CADM2: variants seen among roughly 807,000 people sequenced by gnomAD.
CADM2 encodes cell adhesion molecule 2.
A neutral mutation model predicts 49.8 loss-of-function variants in CADM2; 12 were observed. The ratio of observed to expected loss-of-function variants is 0.24; its 90% CI spans 0.15 to 0.39. The LOEUF is 0.39. Among genes scored for constraint, CADM2 ranks in the 10% least tolerant of loss-of-function variants. CADM2 has a pLI of 1.00. For synonymous variants in CADM2, 214 were observed against 175.4 expected (o/e 1.22, Z -1.74); for missense variants, 378 against 492.3 (o/e 0.77, Z 2.20).
At chr3:85,441,825 A>G (rs942712609) in intron 1 of CADM2, among the ~76,000 whole-genome samples, 5 of 152,124 alleles carry the variant, frequency 3.3e-5, no homozygotes, top group African/African-American at 9.6e-5. Context: ...ATCACATGGA[A>G]TTGATTTAAA....
intron 3 of CADM2, among the ~76,000 whole-genome samples, chr3:85,859,224 CTTTTTTTTTT>C (rs397990427): frequency 4.2e-5 from 3 of 70,596 alleles, no homozygotes; most frequent in African/African-American, 5.9e-5. Flanking sequence ...TTTTTTTTGT[CTTTTTTTTTT>C]TTTTTTTTTT....
chr3:85,732,777 T>A (rs941824193), intron 2 of CADM2, among the ~76,000 whole-genome samples: 1 of 152,180 alleles, frequency 6.6e-6, no homozygotes, highest in African/African-American at 2.4e-5. Context: ...ATCGTCATTT[T>A]CAAAATGTGG....
chr3:85,499,914 A>G (rs1013392429), intron 1 of CADM2, among the ~76,000 whole-genome samples: 2 of 152,190 alleles, frequency 1.3e-5, no homozygotes, highest in Admixed American at 6.5e-5. Flanking sequence ...AAGATTTTTC[A>G]GAAAACCAGA....
At chr3:85,267,665 T>C (rs2043150702) in intron 1 of CADM2, among the ~76,000 whole-genome samples, 1 of 151,658 alleles carries the variant, frequency 6.6e-6, no homozygotes, top group Non-Finnish European at 1.5e-5. Flanking sequence ...TGGTATATAC[T>C]ATGTTAAAAA....
At chr3:86,056,443 G>A (rs1395389183) in intron 8 of CADM2, among the ~76,000 whole-genome samples, 1 of 152,178 alleles carries the variant, frequency 6.6e-6, no homozygotes, top group African/African-American at 2.4e-5. Flanking sequence ...AACAAACAGG[G>A]TATCTTTTTC....
At chr3:85,111,677 A>G (rs564128355) in intron 1 of CADM2, among the ~76,000 whole-genome samples, 56 of 151,920 alleles carry the variant, frequency 3.7e-4, no homozygotes, top group Admixed American at 5.9e-4. Flanking sequence ...GATAAGACCT[A>G]CTATTTGATA....
Position 85,797,889 on chromosome 3 carries a change from G to A in CADM2, c.89-4158G>A, listed in dbSNP as rs144400063. Among the ~76,000 whole-genome samples the A allele has an allele frequency of 4.3e-3, 655 of 152,244 alleles. 3 individuals are homozygous for A. Among genetic ancestry groups the A allele is most frequent in the African/African-American group, 0.014 (589 of 41,542 alleles). ...CTACTCCCACCAACAGTGAAAAAGC[G>A]TGCCTGTATCTCCACATCCTTTCCA... On this transcript the variant is annotated intron_variant, in intron 2 of 9. Transcript: ENST00000383699.
chr3:85,672,180 T>C (rs990052462), intron 1 of CADM2, among the ~76,000 whole-genome samples: 2 of 150,472 alleles, frequency 1.3e-5, no homozygotes, highest in African/African-American at 2.4e-5. Context: ...TAAAATTTAC[T>C]TCTAGGATGT....
chr3:85,262,734 T>C (rs1246321005), intron 1 of CADM2, among the ~76,000 whole-genome samples: 1 of 152,074 alleles, frequency 6.6e-6, no homozygotes, highest in Admixed American at 6.6e-5. Context: ...CAGGAAACTT[T>C]CCAATACACA....
At chr3:85,912,750 AAGG>A (rs1717784646) in intron 6 of CADM2, among the ~76,000 whole-genome samples, 1 of 152,196 alleles carries the variant, frequency 6.6e-6, no homozygotes, top group Non-Finnish European at 1.5e-5. Context: ...AGGAAAAATG[AAGG>A]AGATGTACGA....
chr3:85,613,580 G>A (rs774323654), intron 1 of CADM2, among the ~76,000 whole-genome samples: 10 of 151,650 alleles, frequency 6.6e-5, no homozygotes, highest in African/African-American at 1.9e-4. Context: ...CAGGGTTCAC[G>A]AGGCAGAATT....
At chr3:85,343,158 C>T (rs184583098) in intron 1 of CADM2, among the ~76,000 whole-genome samples, 1 of 152,090 alleles carries the variant, frequency 6.6e-6, no homozygotes, top group East Asian at 1.9e-4. Flanking sequence ...ACACATTGCA[C>T]GATGTACAGC....
chr3:85,794,714 A>G (rs2071521162), intron 2 of CADM2, among the ~76,000 whole-genome samples: 2 of 152,096 alleles, frequency 1.3e-5, no homozygotes, highest in South Asian at 4.1e-4. Flanking sequence ...TGACCAATGT[A>G]TATTAAAAAT....
chr3:85,796,752 C>T (rs2071647819), intron 2 of CADM2, among the ~76,000 whole-genome samples: 1 of 151,984 alleles, frequency 6.6e-6, no homozygotes, highest in Non-Finnish European at 1.5e-5. Context: ...CAGCGCTTAT[C>T]AAGCATTTTA....
At chr3:85,459,777 A>G (rs772873271) in intron 1 of CADM2, among the ~76,000 whole-genome samples, 1 of 152,220 alleles carries the variant, frequency 6.6e-6, no homozygotes, top group Non-Finnish European at 1.5e-5. Context: ...GAGACTAAAA[A>G]GCATGTTTGT....
chr3:85,322,668 T>C (rs2044644967), intron 1 of CADM2, among the ~76,000 whole-genome samples: 1 of 152,224 alleles, frequency 6.6e-6, no homozygotes, highest in Admixed American at 6.5e-5. Context: ...TATTTTCAGC[T>C]TTTTAAAGTA....
intron 1 of CADM2, among the ~76,000 whole-genome samples, chr3:85,724,129 A>T (rs2067603269): frequency 6.6e-6 from 1 of 152,072 alleles, no homozygotes; most frequent in African/African-American, 2.4e-5. Context: ...TAAAACAAAT[A>T]GTAGGTAAAG....
At chr3:85,693,333 C>G (rs892156576) in intron 1 of CADM2, among the ~76,000 whole-genome samples, 9 of 151,948 alleles carry the variant, frequency 5.9e-5, no homozygotes, top group Non-Finnish European at 1.3e-4. Context: ...GTAATCTTAG[C>G]ACTTTGGGAG....
chr3:85,802,300 A>C (rs1577344332), intron 3 of CADM2, 104 bp downstream of exon 3: 3 of 972,142 alleles, frequency 3.1e-6, no homozygotes, highest in African/African-American at 1.7e-5. Flanking sequence ...TTGATTACCA[A>C]ACTGCTGCTG....
Sources: gnomAD v4.1 joint callset for allele counts (sites outside exome capture counted in the v4.1 genomes callset) on GRCh38, gnomAD v4.1.1 for gene constraint, MANE v1.5 for transcripts, NCBI Gene and HGNC (gene_info 2026-07-23, HGNC 2026-07-21) for gene names.